CYP46A1: variants seen among roughly 807,000 people sequenced by gnomAD.
The protein encoded by CYP46A1 is cholesterol 24-hydroxylase.
A neutral mutation model predicts 63.3 loss-of-function variants in CYP46A1; 20 were observed. The ratio of observed to expected loss-of-function variants is 0.32; its 90% CI spans 0.22 to 0.46. The LOEUF is 0.46. CYP46A1 is among the 20% of genes least tolerant of loss of function. The probability of loss-of-function intolerance (pLI) is 1.00; values close to 1 mark genes in which losing one functional copy is unlikely to be tolerated. For synonymous variants in CYP46A1, 268 were observed against 273.6 expected (o/e 0.98, Z 0.20); for missense variants, 445 against 670.8 (o/e 0.66, Z 3.72).
rs1181165288 is a variant in CYP46A1, at chr14:99,721,244, A to T, written c.986A>T (p.Gln329Leu). The change falls in exon 11 of 15, where the codon CAG (glutamine) becomes CTG (leucine). Residue 329 changes from glutamine (Q) to leucine (L), a missense_variant. By Grantham distance (113) the Gln-to-Leu change is moderately radical (BLOSUM62 -2). Around this residue, in one of 4 missense-constraint regions of CYP46A1, gnomAD observed 95 missense variants for 156.9 expected, o/e 0.61. Transcript: ENST00000261835. ...GTCTTTGTCTTACCCCACAGGCTGC[A>T]GGCCGAGGTGGATGAGGTCATTGGT... is the stretch of plus-strand genomic sequence containing the variant. ...SRQPEIVARL[Q>L]AEVDEVIGSK... 6.2e-7 allele frequency: 1 copy of T among 1,613,586 alleles called. No homozygotes were observed. The highest frequency in any genetic ancestry group is 1.7e-5 in the Admixed American group (1 of 60,022).
rs2056904820 is a variant in CYP46A1, at chr14:99,726,712, A to C, written c.1488A>C (p.Pro496=). ...LRPRGWQPAP[P]PPPC is the part of the protein sequence containing the mutation. ...CCCGCGGCTGGCAGCCCGCACCCCC[A>C]CCACCCCCCTGCTGAGGGGGCCTCC... is the stretch of plus-strand genomic sequence containing the variant. Residue 496 remains proline, a synonymous_variant, in exon 15 of 15, where the codon CCA becomes CCC. Transcript: ENST00000261835. 5.9e-6 allele frequency: 9 copies of C among 1,522,474 alleles called. No individual in the cohort carries two copies. The highest frequency in any genetic ancestry group is 2.5e-5 in the East Asian group (1 of 40,270). The allele number at this position is 1,522,474 out of a possible 1,614,324, so 94.3% of individuals were successfully genotyped here.
In CYP46A1 at chr14:99,707,564, C is replaced by A. The variant is rs751341543; in HGVS notation, c.583-4C>A. On this transcript the variant is annotated splice_region_variant and splice_polypyrimidine_tract_variant and intron_variant, in intron 6 of 14. Coordinates refer to ENST00000261835, the MANE Select transcript of CYP46A1 (RefSeq NM_006668.2). ...GGATGACCTTGCCCTTCTCTCTCCC[C>A]CAGGCAGCTTTTGGGATGGAGACCA... 5.0e-6 allele frequency: 8 copies of A among 1,613,776 alleles called. No homozygotes were observed. The South Asian group carries it at 8.8e-5, about 18-fold the overall frequency.
At position 99,715,833 on chromosome 14, in the gene CYP46A1, G is replaced by A. The variant is rs746098686; in HGVS notation, c.717G>A (p.Gln239=). The A allele has an allele frequency of 4.0e-5, 65 of 1,614,032 alleles. No individual in the cohort carries two copies. Among genetic ancestry groups the A allele is most frequent in the Admixed American group, 2.5e-4 (15 of 60,008 alleles). Residue 239 remains glutamine, a synonymous_variant, in exon 8 of 15, where the codon CAG becomes CAA. Coordinates refer to ENST00000261835, the MANE Select transcript of CYP46A1 (RefSeq NM_006668.2). Reference sequence around the variant, plus strand: ...AGTTCCTGCCAGGGAAGAGGAAGCAGCTCCGGGAGGTCCGGGAGAGCATTC... The same window carrying A: ...AGTTCCTGCCAGGGAAGAGGAAGCAACTCCGGGAGGTCCGGGAGAGCATTC... ...LAKFLPGKRK[Q]LREVRESIRF...
At chr14:99,685,383 C>T (rs1226544528) in intron 1 of CYP46A1, among the ~76,000 whole-genome samples, 1 of 136,780 alleles carries the variant, frequency 7.3e-6, no homozygotes, top group African/African-American at 2.7e-5. Flanking sequence ...GCTTCTTCCT[C>T]TGCTTGTCTC....
At chr14:99,707,027 T>C (rs2056683268) in intron 6 of CYP46A1, among the ~76,000 whole-genome samples, 1 of 152,222 alleles carries the variant, frequency 6.6e-6, no homozygotes, top group African/African-American at 2.4e-5. Context: ...GGCCTGTAGC[T>C]GGTCAATGGC....
chr14:99,726,153 G>A, intron 13 of CYP46A1, 37 bp from the exon 14 acceptor site: 1 of 1,587,264 alleles, frequency 6.3e-7, no homozygotes, highest in Non-Finnish European at 8.7e-7. Flanking sequence ...GGGACGCCTG[G>A]GGCTGCTGGC....
chr14:99,689,615 AT>A (rs2140112011), intron 1 of CYP46A1, among the ~76,000 whole-genome samples: 1 of 152,274 alleles, frequency 6.6e-6, no homozygotes, highest in Non-Finnish European at 1.5e-5. Flanking sequence ...CGCTCCATCC[AT>A]TCTTCCAGCA....
At chr14:99,697,885 T>A (rs2056599342) in intron 3 of CYP46A1, among the ~76,000 whole-genome samples, 1 of 151,980 alleles carries the variant, frequency 6.6e-6, no homozygotes, top group South Asian at 2.1e-4. Context: ...ATGGTAGGGA[T>A]CTTCAGTTCA....
chr14:99,721,598 C>T (rs60326213), intron 11 of CYP46A1, among the ~76,000 whole-genome samples: 7,029 of 152,198 alleles, frequency 0.046, 517 homozygotes, highest in African/African-American at 0.16. Flanking sequence ...GCTGGGGTTC[C>T]AGATCCTTAA....
chr14:99,718,774 C>T (rs904897040), intron 10 of CYP46A1, among the ~76,000 whole-genome samples: 2 of 152,084 alleles, frequency 1.3e-5, no homozygotes, highest in African/African-American at 4.8e-5. Context: ...TAGTCATCAG[C>T]AGCATATAAG....
intron 10 of CYP46A1, 80 bp downstream of exon 10, chr14:99,718,206 T>C: frequency 8.1e-7 from 1 of 1,240,742 alleles, no homozygotes; most frequent in Non-Finnish European, 1.2e-6. Flanking sequence ...CCACCTCCCA[T>C]GGTTGAGTCC....
intron 1 of CYP46A1, among the ~76,000 whole-genome samples, chr14:99,687,544 C>G (rs2056505129): frequency 6.6e-6 from 1 of 152,164 alleles, no homozygotes; most frequent in Non-Finnish European, 1.5e-5. Context: ...GAGCCACAAT[C>G]ATGGTCCCTC....
chr14:99,706,594 G>A, intron 5 of CYP46A1, 53 bp from the exon 6 acceptor site: 1 of 1,603,518 alleles, frequency 6.2e-7, no homozygotes, highest in East Asian at 2.2e-5. Context: ...GCACATGGCA[G>A]TCCACCATAT....
At chr14:99,696,131 A>C (rs145252550) in intron 3 of CYP46A1, among the ~76,000 whole-genome samples, 2 of 152,156 alleles carry the variant, frequency 1.3e-5, no homozygotes. Context: ...AATTATTGAT[A>C]TGGCTGTGTT....
At chr14:99,716,441 C>A (rs1312692765) in intron 9 of CYP46A1, among the ~76,000 whole-genome samples, 1 of 152,214 alleles carries the variant, frequency 6.6e-6, no homozygotes, top group Non-Finnish European at 1.5e-5. Flanking sequence ...CTCCAGAGAG[C>A]TTGGCTGTGT....
chr14:99,686,982 G>A (rs1431383631), intron 1 of CYP46A1, among the ~76,000 whole-genome samples: 1 of 152,210 alleles, frequency 6.6e-6, no homozygotes, highest in Non-Finnish European at 1.5e-5. Context: ...TACTGTGGTT[G>A]ACGAGAGATC....
intron 1 of CYP46A1, chr14:99,684,769 A>G: frequency 1.6e-6 from 1 of 622,368 alleles, no homozygotes; most frequent in Non-Finnish European, 3.0e-6. Flanking sequence ...GATGGCAGCC[A>G]CAGCCCTTTC....
intron 9 of CYP46A1, 82 bp from the exon 10 acceptor site, chr14:99,717,972 T>C: frequency 2.7e-6 from 3 of 1,102,822 alleles, no homozygotes; most frequent in Non-Finnish European, 4.1e-6. Flanking sequence ...ATGCCAGCAC[T>C]GGCTGGCATA....
chr14:99,707,058 G>A (rs2056683631), intron 6 of CYP46A1, among the ~76,000 whole-genome samples: 1 of 152,294 alleles, frequency 6.6e-6, no homozygotes. Flanking sequence ...TTTGATCTCA[G>A]GTCTGCCTGA....
Sources: allele counts gnomAD v4.1 joint callset (sites outside exome capture counted in the v4.1 genomes callset), GRCh38; gene constraint gnomAD v4.1.1; regional missense constraint gnomAD v4.1.1; transcripts MANE v1.5; gene names NCBI Gene and HGNC (gene_info 2026-07-23, HGNC 2026-07-21).